The following GCA variants were observed in gnomAD, a reference collection of about 807,000 sequenced individuals.
GCA encodes grancalcin, also known as grancalcin, EF-hand calcium-binding protein.
GCA carries 30 observed loss-of-function variants against 32.6 expected under a neutral mutation model. The ratio of observed to expected loss-of-function variants is 0.92; its 90% confidence interval spans 0.69 to 1.25. The LOEUF (loss-of-function observed/expected upper bound fraction) is 1.25, where lower values mean the gene tolerates loss of function less well. Among genes scored for constraint, GCA ranks in the 50% most tolerant of loss-of-function variants. The pLI is 0.00. For missense variants in GCA, 291 were observed against 266.8 expected, an observed-to-expected ratio of 1.09 and a Z score of -0.63; for synonymous variants, 102 against 84.6, an observed-to-expected ratio of 1.21 and a Z score of -1.13.
downstream of GCA, among the ~76,000 whole-genome samples, chr2:162,374,668 T>C (rs1054466777): frequency 2.6e-5 from 4 of 152,182 alleles, no homozygotes; most frequent in African/African-American, 9.6e-5. Flanking sequence ...AGCTTTTGAT[T>C]TGATAGAGAA....
chr2:162,352,500 T>G, intron 3 of GCA, 93 bp downstream of exon 3: 1 of 791,070 alleles, frequency 1.3e-6, no homozygotes, highest in Non-Finnish European at 2.2e-6. Flanking sequence ...TAAAAAATTA[T>G]CACAGTTATA....
At chr2:162,368,316 G>A (rs1029378599) in intron 4 of GCA, among the ~76,000 whole-genome samples, 1 of 151,828 alleles carries the variant, frequency 6.6e-6, no homozygotes, top group African/African-American at 2.4e-5. Flanking sequence ...GATTTTCATA[G>A]ATAAGTAATT....
At chr2:162,323,949 G>A (rs1211287108) in intron 1 of GCA, among the ~76,000 whole-genome samples, 2 of 152,064 alleles carry the variant, frequency 1.3e-5, no homozygotes, top group Non-Finnish European at 2.9e-5. Context: ...TGTGAAGAAA[G>A]TCATTGGTAG....
downstream of GCA, among the ~76,000 whole-genome samples, chr2:162,365,847 C>A (rs556041245): frequency 6.6e-6 from 1 of 151,590 alleles, no homozygotes; most frequent in South Asian, 2.1e-4. Context: ...CATTTCAGTG[C>A]TATTATAAAT....
intron 1 of GCA, among the ~76,000 whole-genome samples, chr2:162,322,582 A>T (rs1453490262): frequency 8.9e-6 from 1 of 112,568 alleles, no homozygotes; most frequent in African/African-American, 3.5e-5. Flanking sequence ...AACAGTCCCC[A>T]GAGTGTGATG....
At chr2:162,373,814 C>T (rs193056724), downstream of GCA, 70 of 449,500 alleles carry the variant, frequency 1.6e-4, no homozygotes, top group East Asian at 7.7e-4. Flanking sequence ...TCTTTCCTGA[C>T]GGATACTTAC....
chr2:162,328,293 G>T (rs1335714192), intron 1 of GCA, among the ~76,000 whole-genome samples: 2 of 151,742 alleles, frequency 1.3e-5, no homozygotes, highest in African/African-American at 4.9e-5. Flanking sequence ...TCGGGAGGCT[G>T]AGGCAGGAGA....
At position 162,362,487 on chromosome 2, in the gene GCA, A is replaced by G. The variant is rs1430965699; in HGVS notation, c.*2244A>G. The G allele has an allele frequency of 1.0e-6, 1 of 970,778 alleles. No individual in the cohort carries two copies. Among genetic ancestry groups the G allele is most frequent in the Non-Finnish European group, 1.2e-6 (1 of 816,874 alleles). The allele number at this position is 970,778 out of a possible 1,614,324, so 60.1% of individuals were successfully genotyped here. Reference sequence around the variant, plus strand: ...ATATGAATATAGTATAGTAGTTTGCACTGGTTAACTTACACCCCAGTTCTT... The same window carrying G: ...ATATGAATATAGTATAGTAGTTTGCGCTGGTTAACTTACACCCCAGTTCTT... On this transcript the variant is annotated 3_prime_UTR_variant, in exon 8 of 8. Coordinates refer to ENST00000437150, the MANE Select transcript of GCA (RefSeq NM_012198.5).
chr2:162,374,582 CA>C (rs1042464471), downstream of GCA, among the ~76,000 whole-genome samples: 20 of 151,252 alleles, frequency 1.3e-4, no homozygotes, highest in African/African-American at 4.1e-4. Context: ...GGAAATAAAA[CA>C]AAAAAAGGAA....
chr2:162,366,964 A>G (rs945573825), downstream of GCA, among the ~76,000 whole-genome samples: 6 of 151,934 alleles, frequency 3.9e-5, no homozygotes, highest in Admixed American at 6.6e-5. Flanking sequence ...AAGTAGTGCT[A>G]CTGCACTACC....
At chr2:162,359,608 A>G in intron 7 of GCA, 56 bp downstream of exon 7, 1 of 852,890 alleles carries the variant, frequency 1.2e-6, no homozygotes. Context: ...TCAGTTAGTA[A>G]AAAAATTTAA....
downstream of GCA, among the ~76,000 whole-genome samples, chr2:162,364,887 A>G (rs1431080398): frequency 6.6e-6 from 1 of 151,626 alleles, no homozygotes; most frequent in African/African-American, 2.4e-5. Flanking sequence ...TAAGTAAACA[A>G]TAAATGTTTT....
chr2:162,375,195 G>A (rs1029559910), downstream of GCA, among the ~76,000 whole-genome samples: 1 of 152,094 alleles, frequency 6.6e-6, no homozygotes, highest in African/African-American at 2.4e-5. Context: ...ATTACTAACA[G>A]CATTCAGTTG....
At chr2:162,371,565 A>G in exon 5 of GCA, 1 of 857,126 alleles carries the variant, frequency 1.2e-6, no homozygotes, top group Non-Finnish European at 1.6e-6. Flanking sequence ...CCTAACATGC[A>G]TGTGATTTAA....
At chr2:162,349,883 A>T (rs961943171) in intron 2 of GCA, among the ~76,000 whole-genome samples, 1 of 152,184 alleles carries the variant, frequency 6.6e-6, no homozygotes, top group Admixed American at 6.5e-5. Flanking sequence ...AGATTTATTG[A>T]TGTAGGTAGA....
rs753117753 is a variant in GCA at position 162,352,364 on chromosome 2, T to C, written c.219T>C (p.Leu73=). The C allele has an allele frequency of 1.9e-6, 3 of 1,593,784 alleles. No individual in the cohort carries two copies. ...GQDGEVDAEE[L]QRCLTQSGIN... ...ATGGTGAAGTGGATGCTGAAGAACT[T>C]CAGAGATGTTTGACACAGTCTGGAA... is the stretch of plus-strand genomic sequence containing the variant. Residue 73 remains leucine, a synonymous_variant, in exon 3 of 8, where the codon CTT becomes CTC. Coordinates refer to ENST00000437150, the MANE Select transcript of GCA (RefSeq NM_012198.5).
chr2:162,322,409 AT>A (rs1558881903), intron 1 of GCA, among the ~76,000 whole-genome samples: 2 of 143,584 alleles, frequency 1.4e-5, no homozygotes, highest in African/African-American at 5.6e-5. Flanking sequence ...TTATTTATTT[AT>A]TTATTTATTA....
chr2:162,337,358 G>A (rs962429256), intron 1 of GCA, among the ~76,000 whole-genome samples: 4 of 152,146 alleles, frequency 2.6e-5, no homozygotes, highest in African/African-American at 4.8e-5. Context: ...TTCTTGCCTC[G>A]CACCTTCTGC....
At position 162,360,144 on chromosome 2, in the gene GCA, T is replaced by C; in HGVS notation, c.628-73T>C. 3.3e-6 allele frequency: 3 copies of C among 906,194 alleles called. No homozygotes were observed. The South Asian group carries it at 4.6e-5, about 14-fold the overall frequency. 56.1% of individuals were successfully genotyped at this position (906,194 alleles called of 1,614,324 possible). ...TTTCTCTCTTAAGAAAATGCTCTTA[T>C]GGAATATAATTAGTCAAAAATAATT... On this transcript the variant is annotated intron_variant, in intron 7 of 7. Coordinates refer to ENST00000437150, the MANE Select transcript of GCA (RefSeq NM_012198.5).
Sources: allele counts gnomAD v4.1 joint callset (sites outside exome capture counted in the v4.1 genomes callset), GRCh38; gene constraint gnomAD v4.1.1; transcripts MANE v1.5; gene names NCBI Gene and HGNC (gene_info 2026-07-23, HGNC 2026-07-21).